GPSM2: variants seen among roughly 807,000 people sequenced by gnomAD.
GPSM2 encodes the protein G protein-signaling modulator 2.
In GPSM2, 58 loss-of-function variants were observed where a neutral mutation model predicts 78.4. That is an observed-to-expected ratio of 0.74 (90% CI 0.60 to 0.92). The LOEUF (loss-of-function observed/expected upper bound fraction) is 0.92. Ranked by LOEUF, GPSM2 falls within the 40% of genes least tolerant of loss-of-function variation. The pLI, the probability that GPSM2 is intolerant of heterozygous loss-of-function variation, is 0.00. For synonymous variants in GPSM2, 224 were observed against 280.2 expected (o/e 0.80, Z 2.00); for missense variants, 700 against 815.5 (o/e 0.86, Z 1.73).
At chr1:108,897,412 C>G (rs1648451869) in intron 3 of GPSM2, 80 bp from the exon 4 acceptor site, 3 of 1,398,032 alleles carry the variant, frequency 2.1e-6, no homozygotes, top group Non-Finnish European at 2.0e-6. Flanking sequence ...GAAAACTGTA[C>G]TCTGGCTACT....
intron 11 of GPSM2, among the ~76,000 whole-genome samples, chr1:108,916,078 CAAAAAAA>C (rs59651066): frequency 1.9e-5 from 2 of 105,200 alleles, no homozygotes; most frequent in African/African-American, 6.4e-5. Flanking sequence ...CCTGTCTATA[CAAAAAAA>C]AAAAAAAAAG....
intron 10 of GPSM2, among the ~76,000 whole-genome samples, chr1:108,912,991 C>T (rs574930947): frequency 5.9e-5 from 9 of 152,058 alleles, no homozygotes; most frequent in African/African-American, 2.2e-4. Flanking sequence ...ATCTCATCAG[C>T]AAACATCACA....
intron 2 of GPSM2, among the ~76,000 whole-genome samples, chr1:108,887,068 A>G (rs545440782): frequency 1.3e-4 from 20 of 151,966 alleles, no homozygotes; most frequent in African/African-American, 4.6e-4. Context: ...TTGTATTTTT[A>G]GTAGATACAG....
In GPSM2 at chr1:108,931,597, A is replaced by C; in HGVS notation, c.*1657A>C. 7.3e-7 allele frequency: 1 copy of C among 1,374,004 alleles called. No individual in the cohort carries two copies. The allele number at this position is 1,374,004 out of a possible 1,614,324, so 85.1% of individuals were successfully genotyped here. ...ATGGCCAATGTTTTTTAAGAGTCAT[A>C]ACCTGGAATTAATTACATTAAGTGC... On this transcript the variant is annotated 3_prime_UTR_variant, in exon 15 of 15. Coordinates refer to ENST00000264126, the MANE Select transcript of GPSM2 (RefSeq NM_013296.5).
chr1:108,906,325 A>G (rs1005500141), intron 10 of GPSM2, among the ~76,000 whole-genome samples: 2 of 152,014 alleles, frequency 1.3e-5, no homozygotes, highest in Non-Finnish European at 2.9e-5. Context: ...AGATCTTCCC[A>G]CCTCAGCTTC....
chr1:108,897,731 A>G (rs1648480413), intron 4 of GPSM2, 104 bp downstream of exon 4: 1 of 1,132,712 alleles, frequency 8.8e-7, no homozygotes, highest in East Asian at 2.6e-5. Flanking sequence ...ATTAATACCA[A>G]AAAAGAAAAC....
At chr1:108,881,709 T>C (rs899533902) in intron 1 of GPSM2, among the ~76,000 whole-genome samples, 3 of 152,236 alleles carry the variant, frequency 2.0e-5, no homozygotes, top group Non-Finnish European at 2.9e-5. Context: ...TATAAATTGC[T>C]CTTATTGAAA....
chr1:108,915,884 A>G (rs1650178738), intron 11 of GPSM2, among the ~76,000 whole-genome samples: 1 of 152,136 alleles, frequency 6.6e-6, no homozygotes, highest in African/African-American at 2.4e-5. Flanking sequence ...TTTGGCATCT[A>G]TTCATCTGGC....
At chr1:108,916,274 A>G (rs1047557609) in intron 11 of GPSM2, among the ~76,000 whole-genome samples, 6 of 151,766 alleles carry the variant, frequency 4.0e-5, no homozygotes, top group African/African-American at 1.5e-4. Flanking sequence ...AAAAAAAAAG[A>G]AAAAGGAACA....
intron 14 of GPSM2, among the ~76,000 whole-genome samples, chr1:108,928,637 G>T (rs1369527066): frequency 6.6e-6 from 1 of 152,166 alleles, no homozygotes; most frequent in African/African-American, 2.4e-5. Context: ...GTGTATACTT[G>T]TAAGTGCATG....
intron 2 of GPSM2, among the ~76,000 whole-genome samples, chr1:108,887,760 C>G (rs74113532): frequency 0.053 from 8,029 of 152,292 alleles, 245 homozygotes; most frequent in African/African-American, 0.087. Context: ...GAGCATGCAG[C>G]CTACCCCCAT....
In GPSM2 at chr1:108,898,785, A is replaced by C; in HGVS notation, c.681+20A>C. 6.2e-7 allele frequency: 1 copy of C among 1,613,660 alleles called. No homozygotes were observed. The highest frequency in any genetic ancestry group is 8.5e-7 in the Non-Finnish European group (1 of 1,179,578). Reference sequence around the variant, plus strand: ...GAGCAGGTACAGTGGAAAGCCTTGGAGCCAGATCATTTCCTCCATCAAAGT... The same window carrying C: ...GAGCAGGTACAGTGGAAAGCCTTGGCGCCAGATCATTTCCTCCATCAAAGT... On this transcript the variant is annotated intron_variant, in intron 6 of 14. Coordinates refer to ENST00000264126, the MANE Select transcript of GPSM2 (RefSeq NM_013296.5).
At chr1:108,918,920 TATC>T (rs1650483050) in intron 12 of GPSM2, 131 bp downstream of exon 12, 1 of 669,636 alleles carries the variant, frequency 1.5e-6, no homozygotes, top group Admixed American at 2.6e-5. Context: ...CATATTTCCC[TATC>T]TTTTCTATCT....
chr1:108,931,726 G>GT lies in GPSM2; in HGVS notation c.*1787dup, dbSNP rs1553218915. ...CCTGGATAGCATTTTAAAAACTCAG[G>GT]TAAGTTTCATGGGGTTCTTATAAGA... On this transcript the variant is annotated 3_prime_UTR_variant, in exon 15 of 15. Coordinates refer to ENST00000264126, the MANE Select transcript of GPSM2 (RefSeq NM_013296.5). 2.9e-5 allele frequency: 11 copies of GT among 384,676 alleles called. No individual in the cohort carries two copies. The highest frequency in any genetic ancestry group is 4.5e-5 in the Non-Finnish European group (11 of 242,682). The allele number at this position is 384,676 out of a possible 1,614,324, so 23.8% of individuals were successfully genotyped here. A position where few individuals can be genotyped will look rare whatever the true frequency, so the allele number is the denominator to read the frequency against.
Position 108,880,570 on chromosome 1 carries a change from A to T in GPSM2, c.-249+3342A>T, listed in dbSNP as rs373663879. Among the ~76,000 whole-genome samples, 253 of 145,314 alleles carry T rather than the reference A, an allele frequency of 1.7e-3. 1 individual carries two copies. The highest frequency in any genetic ancestry group is 6.0e-3 in the African/African-American group (237 of 39,206). On this transcript the variant is annotated intron_variant, in intron 1 of 14. Transcript: ENST00000264126. ...ACTCCAGCCTGGGCGACAGAGTGAG[A>T]CTCCGTCTCAAAAAAAAAAAAAACA...
At chr1:108,924,556 T>C (rs555465310) in intron 14 of GPSM2, among the ~76,000 whole-genome samples, 25 of 152,218 alleles carry the variant, frequency 1.6e-4, no homozygotes, top group African/African-American at 5.8e-4. Flanking sequence ...GTGTTGGTGG[T>C]AGGGGGAGTG....
chr1:108,929,985 C>T lies in GPSM2; in HGVS notation c.*45C>T, dbSNP rs779324747. 67 of 1,541,662 alleles carry T rather than the reference C, an allele frequency of 4.3e-5. No individual in the cohort carries two copies. Among genetic ancestry groups the T allele is most frequent in the South Asian group, 6.8e-5 (6 of 88,336 alleles). Reference sequence around the variant, plus strand: ...TTTCCTTTCAAACACGGTAAGGAAACAATCTATTACTTTTTTCCTTAAAAG... The same window carrying T: ...TTTCCTTTCAAACACGGTAAGGAAATAATCTATTACTTTTTTCCTTAAAAG... On this transcript the variant is annotated 3_prime_UTR_variant, in exon 15 of 15. Coordinates refer to ENST00000264126, the MANE Select transcript of GPSM2 (RefSeq NM_013296.5).
At chr1:108,907,372 T>C (rs569352763) in intron 10 of GPSM2, among the ~76,000 whole-genome samples, 1 of 152,330 alleles carries the variant, frequency 6.6e-6, no homozygotes, top group Admixed American at 6.5e-5. Context: ...TTAGAGGTGT[T>C]CCTAGAGACT....
In GPSM2 at chr1:108,914,381, G is replaced by A; in HGVS notation, c.1236G>A (p.Met412Ile). Reference protein sequence around the residue: ...KLGRRHSMENMELMKLTPEKV... With the variant: ...KLGRRHSMENIELMKLTPEKV... ...GACGCCGGCATAGTATGGAAAATAT[G>A]GAACTTATGAAGTTAACACCAGAAA... The change falls in exon 11 of 15, where the codon ATG (methionine) becomes ATA (isoleucine). Residue 412 changes from methionine to isoleucine, a missense_variant. By Grantham distance (10) the Met-to-Ile change is conservative (BLOSUM62 1). Coordinates refer to ENST00000264126, the MANE Select transcript of GPSM2 (RefSeq NM_013296.5). 1 of 1,612,034 alleles carries A rather than the reference G, an allele frequency of 6.2e-7. No individual in the cohort carries two copies. Among genetic ancestry groups the A allele is most frequent in the Non-Finnish European group, 8.5e-7 (1 of 1,178,466 alleles).
Sources: gnomAD v4.1 joint callset for allele counts (sites outside exome capture counted in the v4.1 genomes callset) on GRCh38, gnomAD v4.1.1 for gene constraint, MANE v1.5 for transcripts, NCBI Gene and HGNC (gene_info 2026-07-23, HGNC 2026-07-21) for gene names.